The following METTL15 variants were observed in gnomAD, a reference collection of about 807,000 sequenced individuals.
METTL15 encodes 12S rRNA N(4)-cytidine methyltransferase METTL15.
METTL15 carries 34 observed loss-of-function variants against 38.3 expected under a neutral mutation model. The ratio of observed to expected loss-of-function variants is 0.89; its 90% CI spans 0.68 to 1.18. The LOEUF (loss-of-function observed/expected upper bound fraction) is 1.18, where lower values mean the gene tolerates loss of function less well. Ranked by LOEUF, METTL15 falls within the 50% of genes most tolerant of loss-of-function variation. METTL15 has a pLI of 0.00. For missense variants in METTL15, 438 were observed against 498.4 expected, an observed-to-expected ratio of 0.88 and a Z score of 1.15; for synonymous variants, 162 against 170.9, an observed-to-expected ratio of 0.95 and a Z score of 0.41.
At chr11:28,356,370 C>A (rs1376521470) in intron 4 of METTL15, among the ~76,000 whole-genome samples, 4 of 152,140 alleles carry the variant, frequency 2.6e-5, no homozygotes, top group African/African-American at 9.7e-5. Context: ...AGTAGACACT[C>A]AATATTTGTC....
Position 28,362,266 on chromosome 11 carries a change from G to A in METTL15, c.*358+230G>A, listed in dbSNP as rs1195632207. Reference sequence around the variant, plus strand: ...AAAAAGTAGAAGGAAAGGTATATCAGGAAGATCACATATCATATTGCATTG... The same window carrying A: ...AAAAAGTAGAAGGAAAGGTATATCAAGAAGATCACATATCATATTGCATTG... On this transcript the variant is annotated intron_variant and NMD_transcript_variant, in intron 5 of 7. Transcript: ENST00000532947. 2.0e-5 allele frequency among the ~76,000 whole-genome samples: 3 copies of A among 152,224 alleles called. No individual in the cohort carries two copies. The East Asian group carries it at 5.8e-4, about 29-fold the overall frequency.
intron 6 of METTL15, among the ~76,000 whole-genome samples, chr11:28,328,328 C>T (rs1003942282): frequency 6.6e-6 from 1 of 152,106 alleles, no homozygotes; most frequent in East Asian, 1.9e-4. Flanking sequence ...TTACTTTAAA[C>T]CACCAGGTTC....
chr11:28,124,750 C>T (rs1347192372), intron 3 of METTL15, among the ~76,000 whole-genome samples: 1 of 152,016 alleles, frequency 6.6e-6, no homozygotes, highest in Non-Finnish European at 1.5e-5. Flanking sequence ...AGTCTCTTGT[C>T]TATGGCTTTA....
chr11:28,141,951 T>G (rs1849712915), intron 3 of METTL15, among the ~76,000 whole-genome samples: 1 of 152,192 alleles, frequency 6.6e-6, no homozygotes, highest in South Asian at 2.1e-4. Context: ...ATTCCTCCTA[T>G]GGTTAGCTTG....
At chr11:28,440,991 G>A in intron 6 of METTL15, among the ~76,000 whole-genome samples, 1 of 151,166 alleles carries the variant, frequency 6.6e-6, no homozygotes, top group Non-Finnish European at 1.5e-5. Context: ...TTTGAAGACT[G>A]TAGAAACAAT....
At chr11:28,515,537 C>G (rs932147823) in intron 6 of METTL15, among the ~76,000 whole-genome samples, 6 of 152,236 alleles carry the variant, frequency 3.9e-5, no homozygotes, top group African/African-American at 1.4e-4. Context: ...TACATATGGC[C>G]CTTCACCTCT....
At chr11:28,343,158 C>T (rs1849967483) in intron 3 of METTL15, among the ~76,000 whole-genome samples, 1 of 151,444 alleles carries the variant, frequency 6.6e-6, no homozygotes, top group African/African-American at 2.4e-5. Flanking sequence ...TTTTCATTTC[C>T]CATTGTATAC....
intron 6 of METTL15, among the ~76,000 whole-genome samples, chr11:28,476,795 A>C (rs1173742492): frequency 6.6e-6 from 1 of 152,180 alleles, no homozygotes; most frequent in Non-Finnish European, 1.5e-5. Context: ...GTGCTAAAAA[A>C]GTTCAACCAA....
In METTL15 at chr11:28,480,214, T is replaced by C. The variant is rs151101263; in HGVS notation, c.*425-46264T>C. On this transcript the variant is annotated intron_variant and NMD_transcript_variant, in intron 6 of 7. Coordinates refer to the METTL15 transcript ENST00000532947. ...TCATCATATTCTTAAGTATATATAC[T>C]CAACAAAGCAATACAGCAAACACTG... Among the ~76,000 whole-genome samples, 491 of 152,262 alleles carry C rather than the reference T, an allele frequency of 3.2e-3. 1 individual carries two copies. The highest frequency in any genetic ancestry group is 0.012 in the African/African-American group (480 of 41,546).
intron 5 of METTL15, among the ~76,000 whole-genome samples, chr11:28,385,499 A>G (rs896334424): frequency 1.3e-5 from 2 of 151,702 alleles, no homozygotes; most frequent in Admixed American, 6.6e-5. Flanking sequence ...CCATTGGCCT[A>G]TGTGTTTGTT....
chr11:28,110,854 C>A (rs934996457), intron 2 of METTL15, among the ~76,000 whole-genome samples: 3 of 152,130 alleles, frequency 2.0e-5, no homozygotes, highest in South Asian at 4.1e-4. Flanking sequence ...CAAAAGTGAA[C>A]TTTGCTTGTA....
At chr11:28,195,989 A>C (rs1851894204) in intron 3 of METTL15, among the ~76,000 whole-genome samples, 1 of 151,878 alleles carries the variant, frequency 6.6e-6, no homozygotes, top group African/African-American at 2.4e-5. Context: ...TTGTCTGCTT[A>C]GTTGAAGATC....
chr11:28,248,840 A>G (rs1467996969), intron 4 of METTL15, among the ~76,000 whole-genome samples: 2 of 152,060 alleles, frequency 1.3e-5, no homozygotes, highest in Non-Finnish European at 2.9e-5. Context: ...ACTAAGGTTA[A>G]GTAACTTATC....
intron 4 of METTL15, among the ~76,000 whole-genome samples, chr11:28,215,564 A>C (rs1231156290): frequency 2.0e-5 from 3 of 152,128 alleles, no homozygotes; most frequent in Non-Finnish European, 4.4e-5. Context: ...AGAAAGGGAA[A>C]TGGGAAAAAA....
At chr11:28,346,359 A>T (rs1023775812) in intron 3 of METTL15, among the ~76,000 whole-genome samples, 10 of 152,180 alleles carry the variant, frequency 6.6e-5, no homozygotes, top group African/African-American at 1.9e-4. Flanking sequence ...AGATTTTTTT[A>T]AAATGTGGCT....
chr11:28,198,132 A>T (rs115452992), intron 3 of METTL15, among the ~76,000 whole-genome samples: 4,328 of 152,150 alleles, frequency 0.028, 213 homozygotes, highest in African/African-American at 0.097. Flanking sequence ...GATAATGTAG[A>T]TAAAAACTAT....
In METTL15 at chr11:28,435,506, A is replaced by G. The variant is rs546132646; in HGVS notation, c.*424+11142A>G. On this transcript the variant is annotated intron_variant and NMD_transcript_variant, in intron 6 of 7. Transcript: ENST00000532947. ...AATGCTCCTCAGTCTATTGTTCTCC[A>G]TGGCTCTTGGCATGTCTCTTCCACT... is the stretch of plus-strand genomic sequence containing the variant. Among the ~76,000 whole-genome samples the G allele has an allele frequency of 3.9e-5, 6 of 152,272 alleles. No individual in the cohort carries two copies. The East Asian group carries it at 1.2e-3, about 29-fold the overall frequency.
intron 6 of METTL15, among the ~76,000 whole-genome samples, chr11:28,467,161 G>C (rs1179441771): frequency 6.6e-6 from 1 of 152,176 alleles, no homozygotes; most frequent in Non-Finnish European, 1.5e-5. Flanking sequence ...CTGCGGAAAA[G>C]TTGAAATGTG....
At chr11:28,319,680 G>A (rs918637763) in intron 6 of METTL15, among the ~76,000 whole-genome samples, 1 of 152,054 alleles carries the variant, frequency 6.6e-6, no homozygotes, top group Non-Finnish European at 1.5e-5. Flanking sequence ...TCTACCTCTG[G>A]TATTTTCCCA....
Sources: allele counts gnomAD v4.1 joint callset (sites outside exome capture counted in the v4.1 genomes callset), GRCh38; gene constraint gnomAD v4.1.1; transcripts MANE v1.5; gene names NCBI Gene and HGNC (gene_info 2026-07-23, HGNC 2026-07-21).